The following ZNF785 variants were observed in gnomAD, a reference collection of about 807,000 sequenced individuals.
ZNF785 encodes the protein zinc finger protein 785.
In ZNF785, 15 loss-of-function variants were observed where a neutral mutation model predicts 11.3. The ratio of observed to expected loss-of-function variants is 1.32; its 90% confidence interval spans 0.89 to 2.04. ZNF785 has a LOEUF of 2.04. ZNF785 is among the 30% of genes most tolerant of loss of function. The probability of loss-of-function intolerance (pLI) is 0.00; values close to 1 mark genes in which losing one functional copy is unlikely to be tolerated. For synonymous variants in ZNF785, 221 were observed against 231.0 expected, an observed-to-expected ratio of 0.96 and a Z score of 0.39; for missense variants, 572 against 560.9, an observed-to-expected ratio of 1.02 and a Z score of -0.20.
intron 2 of ZNF785, among the ~76,000 whole-genome samples, chr16:30,584,810 C>T (rs1169404187): frequency 6.6e-6 from 1 of 152,178 alleles, no homozygotes; most frequent in Non-Finnish European, 1.5e-5. Context: ...TCATTAATAT[C>T]CAAGAGGAAC....
downstream of ZNF785, chr16:30,579,615 A>G (rs62057167): frequency 1.9e-4 from 64 of 342,368 alleles, no homozygotes; most frequent in Non-Finnish European, 3.2e-4. Flanking sequence ...CCTGACCTCA[A>G]GTGATTAACC....
chr16:30,585,517 G>A lies in ZNF785; in HGVS notation c.95C>T (p.Ala32Val), dbSNP rs1435879869. The A allele has an allele frequency of 4.4e-6, 7 of 1,592,064 alleles. No homozygotes were observed. The highest frequency in any genetic ancestry group is 5.1e-6 in the Non-Finnish European group (6 of 1,170,332). ...RESRPGAVSF[A>V]DVAVYFSPEE... Reference sequence around the variant, plus strand: ...GGGAGAGAAGTACACGGCCACGTCCGCGAAGCTCACGGCGCCCGGCCTGCT... The same window carrying A: ...GGGAGAGAAGTACACGGCCACGTCCACGAAGCTCACGGCGCCCGGCCTGCT... Residue 32 changes from alanine (A) to valine (V), a missense_variant, in exon 1 of 3, where the codon GCG becomes GTG. Physicochemically the swap from Ala to Val is moderately conservative, Grantham distance 64. Transcript: ENST00000395216. This position sits in a 1 kb window ranked among gnomAD's most constrained non-coding sequence, Gnocchi z 4.0.
chr16:30,585,438 C>T lies in ZNF785; in HGVS notation c.174G>A (p.Met58Ile). The T allele has an allele frequency of 6.3e-7, 1 of 1,599,692 alleles. No homozygotes were observed. The highest frequency in any genetic ancestry group is 8.5e-7 in the Non-Finnish European group (1 of 1,173,912). The change falls in exon 1 of 3, where the codon ATG (methionine) becomes ATA (isoleucine). Residue 58 changes from methionine (M) to isoleucine (I), a missense_variant. Transcript: ENST00000395216. The surrounding 1 kb of genome is among the most constrained non-coding windows in gnomAD (Gnocchi z 4.0). ...PAQRALYRDV[M>I]RETFGHLGAL... is the part of the protein sequence containing the mutation. Reference sequence around the variant, plus strand: ...CGCCCAGGTGGCCGAAGGTCTCCCGCATCACGTCCCGGTACAGGGCCCTCT... The same window carrying T: ...CGCCCAGGTGGCCGAAGGTCTCCCGTATCACGTCCCGGTACAGGGCCCTCT...
rs1055474611 is a variant in ZNF785 at position 30,583,600 on chromosome 16, A to G, written c.335-157T>C. On this transcript the variant is annotated intron_variant, in intron 2 of 2. Coordinates refer to ENST00000395216, the MANE Select transcript of ZNF785 (RefSeq NM_152458.7). ...GGCGCCCAGGGAGCACGGCTTAATG[A>G]TAGGGGCCTCATGAAGCCCTGAAAG... The G allele has an allele frequency of 1.8e-4, 166 of 929,722 alleles. 2 individuals carry two copies. The highest frequency in any genetic ancestry group is 2.3e-5 in the Non-Finnish European group (15 of 646,960). The allele number at this position is 929,722 out of a possible 1,614,324, so 57.6% of individuals were successfully genotyped here. A position where few individuals can be genotyped will look rare whatever the true frequency, so the allele number is the denominator to read the frequency against.
Position 30,583,331 on chromosome 16 carries a change from C to T in ZNF785, c.447G>A (p.Glu149=), listed in dbSNP as rs1252830757. 1 of 1,613,964 alleles carries T rather than the reference C, an allele frequency of 6.2e-7. No individual in the cohort carries two copies. ...TGGGGCTCTGCCTAGGGTTGCAGAACTCTGGGCAGGCGACGCTGGGCCACC... is the reference window on the plus strand; with the variant it reads ...TGGGGCTCTGCCTAGGGTTGCAGAATTCTGGGCAGGCGACGCTGGGCCACC... ...KEWWPSVACP[E]FCNPRQSPMN... is the part of the protein sequence containing the mutation. The change falls in exon 3 of 3, where the codon GAG becomes GAA. Residue 149 remains glutamate, a synonymous_variant. Transcript: ENST00000395216.
chr16:30,585,695 C>G lies in ZNF785; in HGVS notation c.-84G>C. On this transcript the variant is annotated 5_prime_UTR_variant, in exon 1 of 3. Coordinates refer to ENST00000395216, the MANE Select transcript of ZNF785 (RefSeq NM_152458.7). The surrounding 1 kb of genome is among the most constrained non-coding windows in gnomAD (Gnocchi z 4.0). ...TTTCCTGTCTTTCCTCAGACAAGTCCGTAAGGGACTCCTGCCCTTAACCAA... is the reference window on the plus strand; with the variant it reads ...TTTCCTGTCTTTCCTCAGACAAGTCGGTAAGGGACTCCTGCCCTTAACCAA... The G allele has an allele frequency of 7.0e-7, 1 of 1,437,512 alleles. No homozygotes were observed. The highest frequency in any genetic ancestry group is 9.1e-7 in the Non-Finnish European group (1 of 1,102,166). The allele number at this position is 1,437,512 out of a possible 1,614,324, so 89.0% of individuals were successfully genotyped here.
downstream of ZNF785, among the ~76,000 whole-genome samples, chr16:30,580,426 C>T (rs1311422165): frequency 1.3e-5 from 2 of 149,808 alleles, no homozygotes; most frequent in Non-Finnish European, 3.0e-5. Flanking sequence ...GCAGTCTCGG[C>T]TCACTGCAAG....
At chr16:30,584,503 A>C (rs1597150809) in intron 2 of ZNF785, among the ~76,000 whole-genome samples, 1 of 152,068 alleles carries the variant, frequency 6.6e-6, no homozygotes, top group African/African-American at 2.4e-5. Context: ...TACAAAAATT[A>C]GCTGGGCATG....
Position 30,585,100 on chromosome 16 carries a change from G to T in ZNF785, c.334+22C>A, listed in dbSNP as rs746956529. 1 of 1,596,948 alleles carries T rather than the reference G, an allele frequency of 6.3e-7. No individual in the cohort carries two copies. The highest frequency in any genetic ancestry group is 1.7e-5 in the Admixed American group (1 of 58,616). Reference sequence around the variant, plus strand: ...GGGCGGGGGTTGGGGCTTCTCCACGGCTACTTATCCAAATGAAGTACCTGC... The same window carrying T: ...GGGCGGGGGTTGGGGCTTCTCCACGTCTACTTATCCAAATGAAGTACCTGC... On this transcript the variant is annotated intron_variant, in intron 2 of 2. Transcript: ENST00000395216. This position sits in a 1 kb window ranked among gnomAD's most constrained non-coding sequence, Gnocchi z 4.0.
chr16:30,583,260 G>A lies in ZNF785; in HGVS notation c.518C>T (p.Ser173Phe), dbSNP rs188394678. ...GAAGTTGCGGCCACAGTCTGGGCAA[G>A]AGTGGGGCAGTCTTCGGGTCAGAGT... Reference protein sequence around the residue: ...KDTLTRRLPHSCPDCGRNFSY... With the variant: ...KDTLTRRLPHFCPDCGRNFSY... The change falls in exon 3 of 3, where the codon TCT (serine) becomes TTT (phenylalanine). Residue 173 changes from serine (S) to phenylalanine (F), a missense_variant. Coordinates refer to ENST00000395216, the MANE Select transcript of ZNF785 (RefSeq NM_152458.7). 6.2e-7 allele frequency: 1 copy of A among 1,613,854 alleles called. No homozygotes were observed. The highest frequency in any genetic ancestry group is 8.5e-7 in the Non-Finnish European group (1 of 1,179,780).
downstream of ZNF785, among the ~76,000 whole-genome samples, chr16:30,580,386 G>A (rs1172141599): frequency 1.2e-4 from 15 of 130,398 alleles, no homozygotes; most frequent in African/African-American, 6.0e-5. Context: ...ACGGAGTCTC[G>A]CTCTGTCACC....
At position 30,585,119 on chromosome 16, in the gene ZNF785, T is replaced by G; in HGVS notation, c.334+3A>C. On this transcript the variant is annotated splice_donor_region_variant and intron_variant, in intron 2 of 2. Transcript: ENST00000395216. This position sits in a 1 kb window ranked among gnomAD's most constrained non-coding sequence, Gnocchi z 4.0. ...TCCACGGCTACTTATCCAAATGAAG[T>G]ACCTGCTTCCTGTCCTTGGCCCCTG... 2.5e-6 allele frequency: 4 copies of G among 1,604,794 alleles called. No homozygotes were observed. Among genetic ancestry groups the G allele is most frequent in the Non-Finnish European group, 3.4e-6 (4 of 1,173,418 alleles).
rs1302284825 is a variant in ZNF785, at chr16:30,582,470, C to G, written c.*90G>C. ...ACCTAAGGCAGAACTTTGTTTTCCT[C>G]AAACGCCCACTTCCTTTCCTTATCC... On this transcript the variant is annotated 3_prime_UTR_variant, in exon 3 of 3. Transcript: ENST00000395216. 3.9e-6 allele frequency: 6 copies of G among 1,539,116 alleles called. No homozygotes were observed. Among genetic ancestry groups the G allele is most frequent in the Non-Finnish European group, 5.3e-6 (6 of 1,138,266 alleles).
rs762680401 is a variant in ZNF785, at chr16:30,585,504, C to CA, written c.107dup (p.Tyr37ValfsTer62). ...ATTCCCACTCCTCGGGAGAGAAGTA[C>CA]ACGGCCACGTCCGCGAAGCTCACGG... is the stretch of plus-strand genomic sequence containing the variant. On this transcript the variant is annotated frameshift_variant, in exon 1 of 3. Transcript: ENST00000395216. LOFTEE classifies it high-confidence loss of function. This position sits in a 1 kb window ranked among gnomAD's most constrained non-coding sequence, Gnocchi z 4.0. 4 of 1,598,522 alleles carry CA rather than the reference C, an allele frequency of 2.5e-6. No homozygotes were observed. The highest frequency in any genetic ancestry group is 3.4e-6 in the Non-Finnish European group (4 of 1,173,316).
chr16:30,582,488 C>A lies in ZNF785; in HGVS notation c.*72G>T. 1 of 1,577,200 alleles carries A rather than the reference C, an allele frequency of 6.3e-7. No homozygotes were observed. The highest frequency in any genetic ancestry group is 8.6e-7 in the Non-Finnish European group (1 of 1,159,098). ...TTTTCCTCAAACGCCCACTTCCTTT[C>A]CTTATCCCCCAAATACACAAACCTT... On this transcript the variant is annotated 3_prime_UTR_variant, in exon 3 of 3. Transcript: ENST00000395216.
At position 30,582,504 on chromosome 16, in the gene ZNF785, C is replaced by A. The variant is rs920609517; in HGVS notation, c.*56G>T. Reference sequence around the variant, plus strand: ...ACTTCCTTTCCTTATCCCCCAAATACACAAACCTTGCCTCTTCCTCTCCAG... The same window carrying A: ...ACTTCCTTTCCTTATCCCCCAAATAAACAAACCTTGCCTCTTCCTCTCCAG... On this transcript the variant is annotated 3_prime_UTR_variant, in exon 3 of 3. Coordinates refer to ENST00000395216, the MANE Select transcript of ZNF785 (RefSeq NM_152458.7). 56 of 1,596,804 alleles carry A rather than the reference C, an allele frequency of 3.5e-5. No homozygotes were observed. Among genetic ancestry groups the A allele is most frequent in the Middle Eastern group, 1.7e-4 (1 of 6,004 alleles).
chr16:30,580,379 G>C (rs1422395071), downstream of ZNF785, among the ~76,000 whole-genome samples: 3 of 145,914 alleles, frequency 2.1e-5, no homozygotes, highest in Non-Finnish European at 4.5e-5. Flanking sequence ...TTTTGAGACG[G>C]AGTCTCGCTC....
Position 30,583,433 on chromosome 16 carries a change from A to T in ZNF785, c.345T>A (p.Asp115Glu), listed in dbSNP as rs771462927. The part of the protein sequence containing the change: ...RGQGQEAGSR[D>E]GNEEKERLKK... ...TCAGCCTTTCCTTCTCCTCATTCCC[A>T]TCCCTGGATCCTGAAACAGGGAAGA... is the stretch of plus-strand genomic sequence containing the variant. Residue 115 changes from aspartate to glutamate, a missense_variant, in exon 3 of 3, where the codon GAT (aspartate) becomes GAA (glutamate). Asp to Glu is a conservative substitution (Grantham distance 45). Transcript: ENST00000395216. The T allele has an allele frequency of 8.9e-5, 136 of 1,534,544 alleles. No homozygotes were observed. In the Admixed American group the frequency reaches 1.8e-3, roughly 20 times the overall value.
At chr16:30,584,789 C>T (rs139590389) in intron 2 of ZNF785, among the ~76,000 whole-genome samples, 46 of 152,326 alleles carry the variant, frequency 3.0e-4, no homozygotes, top group African/African-American at 1.0e-3. Context: ...ATTTACTACA[C>T]GTGGTTCACA....
Sources: gnomAD v4.1 joint callset for allele counts (sites outside exome capture counted in the v4.1 genomes callset) on GRCh38, gnomAD v4.1.1 for gene constraint, Gnocchi (gnomAD v3.1) non-coding constraint, MANE v1.5 for transcripts, NCBI Gene and HGNC (gene_info 2026-07-23, HGNC 2026-07-21) for gene names.